ANO1: variants seen among roughly 807,000 people sequenced by gnomAD.
ANO1 encodes anoctamin-1.
ANO1 carries 59 observed loss-of-function variants against 124.0 expected under a neutral mutation model. That is an observed-to-expected ratio of 0.48 (90% CI 0.39 to 0.59). The LOEUF (loss-of-function observed/expected upper bound fraction) is 0.59, where lower values mean the gene tolerates loss of function less well. ANO1 is among the 20% of genes least tolerant of loss of function. The pLI, the probability that ANO1 is intolerant of heterozygous loss-of-function variation, is 0.00. For synonymous variants in ANO1, 529 were observed against 532.0 expected, an observed-to-expected ratio of 0.99 and a Z score of 0.08; for missense variants, 1,059 against 1,328.0, an observed-to-expected ratio of 0.80 and a Z score of 3.15.
chr11:70,090,060 T>C (rs984768999), intron 2 of ANO1, among the ~76,000 whole-genome samples: 3 of 152,182 alleles, frequency 2.0e-5, no homozygotes, highest in Admixed American at 6.5e-5. Flanking sequence ...CTCACTCTGT[T>C]GCCCAGGCTG....
intron 1 of ANO1, among the ~76,000 whole-genome samples, chr11:70,017,029 G>T (rs1248924539): frequency 6.6e-6 from 1 of 152,202 alleles, no homozygotes. Flanking sequence ...GCTGCCGGGG[G>T]CAAGGATTCC....
chr11:70,156,847 C>A, intron 15 of ANO1, 100 bp from the exon 16 acceptor site: 1 of 1,026,254 alleles, frequency 9.7e-7, no homozygotes, highest in South Asian at 1.5e-5. Context: ...TTCAAGTTGT[C>A]CCTGGGCCCA....
At chr11:70,149,309 A>C (rs527851955) in intron 11 of ANO1, among the ~76,000 whole-genome samples, 28 of 152,286 alleles carry the variant, frequency 1.8e-4, no homozygotes, top group Admixed American at 1.4e-3. Flanking sequence ...ATTCACATGA[A>C]GTTCTCAGCC....
At chr11:70,187,595 T>C in intron 25 of ANO1, 143 bp from the exon 26 acceptor site, 1 of 1,047,612 alleles carries the variant, frequency 9.5e-7, no homozygotes, top group South Asian at 1.7e-5. Flanking sequence ...CCTTTATAGC[T>C]TCTGGAAAAC....
intron 1 of ANO1, among the ~76,000 whole-genome samples, chr11:70,016,243 G>A (rs1224318080): frequency 2.6e-5 from 4 of 152,068 alleles, no homozygotes; most frequent in Non-Finnish European, 4.4e-5. Context: ...GGCCAGGCTG[G>A]TCTCAAACTG....
intron 1 of ANO1, among the ~76,000 whole-genome samples, chr11:70,010,158 T>TGTGC (rs1296069880): frequency 1.6e-5 from 1 of 62,616 alleles, no homozygotes; most frequent in Non-Finnish European, 3.3e-5. Context: ...TGTGTGTGTG[T>TGTGC]GTGTGTGCGC....
At chr11:70,040,265 T>C (rs1857162697) in intron 1 of ANO1, among the ~76,000 whole-genome samples, 2 of 152,056 alleles carry the variant, frequency 1.3e-5, no homozygotes. Context: ...CACAAAACCT[T>C]ACTAAGGTTT....
intron 2 of ANO1, among the ~76,000 whole-genome samples, chr11:70,096,820 C>G (rs929792621): frequency 1.3e-5 from 2 of 152,088 alleles, no homozygotes; most frequent in African/African-American, 2.4e-5. Context: ...AAGATTACGC[C>G]ACCGCACTCC....
At chr11:70,092,257 T>C (rs1050829788) in intron 2 of ANO1, among the ~76,000 whole-genome samples, 1 of 148,864 alleles carries the variant, frequency 6.7e-6, no homozygotes, top group African/African-American at 2.4e-5. Flanking sequence ...CTTAACTCGG[T>C]TACATCTGCA....
At chr11:70,175,041 CGT>C (rs1449886703) in intron 22 of ANO1, among the ~76,000 whole-genome samples, 2 of 152,066 alleles carry the variant, frequency 1.3e-5, no homozygotes, top group Non-Finnish European at 2.9e-5. Flanking sequence ...TCACAGTGCG[CGT>C]GTGTTTGCTC....
intron 1 of ANO1, among the ~76,000 whole-genome samples, chr11:70,058,981 A>C (rs1321010521): frequency 6.6e-6 from 1 of 151,942 alleles, no homozygotes; most frequent in African/African-American, 2.4e-5. Flanking sequence ...CAGGAGATCA[A>C]GACCATCCTG....
chr11:70,168,182 C>T (rs2048327021), intron 21 of ANO1, among the ~76,000 whole-genome samples: 1 of 152,208 alleles, frequency 6.6e-6, no homozygotes. Context: ...CCTCTCCCTC[C>T]TGCCTCCTGC....
At chr11:70,185,440 T>C (rs943643803) in intron 24 of ANO1, 150 bp from the exon 25 acceptor site, 3 of 665,996 alleles carry the variant, frequency 4.5e-6, no homozygotes, top group South Asian at 1.9e-5. Flanking sequence ...TGCGGGGCCA[T>C]GGGCTGCTCG....
At chr11:69,995,752 T>C (rs1856257453) in intron 1 of ANO1, among the ~76,000 whole-genome samples, 1 of 152,190 alleles carries the variant, frequency 6.6e-6, no homozygotes, top group African/African-American at 2.4e-5. Context: ...ACTGCTGGTA[T>C]GGACCCCGAT....
At chr11:70,093,929 C>T (rs1165985317) in intron 2 of ANO1, among the ~76,000 whole-genome samples, 2 of 152,136 alleles carry the variant, frequency 1.3e-5, no homozygotes, top group Non-Finnish European at 2.9e-5. Flanking sequence ...GTGGACCCAG[C>T]TCAAACTTCC....
chr11:70,110,083 G>A (rs1255019734), intron 6 of ANO1, among the ~76,000 whole-genome samples: 15 of 152,126 alleles, frequency 9.9e-5, no homozygotes, highest in Non-Finnish European at 2.1e-4. Context: ...GATGGAGGGA[G>A]TGGCACATGC....
At chr11:70,138,751 A>G (rs11235406) in intron 11 of ANO1, among the ~76,000 whole-genome samples, 42,263 of 151,770 alleles carry the variant, frequency 0.28, 6,071 homozygotes, top group East Asian at 0.43. Flanking sequence ...CTTTTTCATA[A>G]CTTTTTTTTT....
chr11:70,028,165 G>T (rs782342676), intron 1 of ANO1, among the ~76,000 whole-genome samples: 7 of 152,222 alleles, frequency 4.6e-5, no homozygotes, highest in Non-Finnish European at 7.3e-5. Flanking sequence ...GTGACCCGAA[G>T]TGTCTTTAAA....
rs374038274 is a variant in ANO1, at chr11:70,167,359, G to A, written c.2169G>A (p.Ala723=). The A allele has an allele frequency of 9.9e-5, 159 of 1,612,902 alleles. No individual in the cohort carries two copies. The highest frequency in any genetic ancestry group is 1.3e-4 in the Non-Finnish European group (150 of 1,179,440). ...YEVDYNLEPF[A]GLTPEYMEMI... Reference sequence around the variant, plus strand: ...TGGATTACAACCTGGAGCCCTTCGCGGGCCTCACCCCAGAGTACATGGAAA... The same window carrying A: ...TGGATTACAACCTGGAGCCCTTCGCAGGCCTCACCCCAGAGTACATGGAAA... Residue 723 remains alanine, a synonymous_variant, in exon 21 of 26, where the codon GCG becomes GCA. Transcript: ENST00000355303.
Sources: allele counts gnomAD v4.1 joint callset (sites outside exome capture counted in the v4.1 genomes callset), GRCh38; gene constraint gnomAD v4.1.1; transcripts MANE v1.5; gene names NCBI Gene and HGNC (gene_info 2026-07-23, HGNC 2026-07-21).